The following OXSR1 variants were observed in gnomAD, a reference collection of about 807,000 sequenced individuals.
The protein encoded by OXSR1 is serine/threonine-protein kinase OSR1.
OXSR1 carries 24 observed loss-of-function variants against 79.8 expected under a neutral mutation model. The ratio of observed to expected loss-of-function variants is 0.30; its 90% CI spans 0.22 to 0.42. The LOEUF (loss-of-function observed/expected upper bound fraction) is 0.42. Among genes scored for constraint, OXSR1 ranks in the 10% least tolerant of loss-of-function variants. The pLI is 1.00. For synonymous variants in OXSR1, 226 were observed against 209.2 expected (o/e 1.08, Z -0.69); for missense variants, 430 against 618.4 (o/e 0.70, Z 3.23).
At chr3:38,244,898 T>G (rs1275574490) in intron 12 of OXSR1, among the ~76,000 whole-genome samples, 1 of 152,136 alleles carries the variant, frequency 6.6e-6, no homozygotes, top group Non-Finnish European at 1.5e-5. Flanking sequence ...GGCTGCACCA[T>G]TTTACGTGCT....
intron 8 of OXSR1, among the ~76,000 whole-genome samples, chr3:38,226,896 T>G (rs1382868854): frequency 1.3e-5 from 2 of 151,798 alleles, no homozygotes; most frequent in Non-Finnish European, 2.9e-5. Context: ...AAGTCTGTAG[T>G]TTAGTTAATA....
intron 13 of OXSR1, among the ~76,000 whole-genome samples, chr3:38,246,846 G>T (rs965471027): frequency 6.6e-6 from 1 of 152,090 alleles, no homozygotes; most frequent in African/African-American, 2.4e-5. Context: ...CATACAACAT[G>T]TGGCCCTATG....
Position 38,236,891 on chromosome 3 carries a change from G to A in OXSR1, c.1004G>A (p.Gly335Asp), listed in dbSNP as rs757750921. 3.1e-6 allele frequency: 5 copies of A among 1,612,620 alleles called. No homozygotes were observed. Among genetic ancestry groups the A allele is most frequent in the Non-Finnish European group, 4.2e-6 (5 of 1,179,010 alleles). Residue 335 changes from glycine to aspartate, a missense_variant, in exon 11 of 18, where the codon GGC becomes GAC. This residue lies in a region of OXSR1 where 276 missense variants were observed against 354.2 expected (regional missense o/e 0.78). Coordinates refer to ENST00000311806, the MANE Select transcript of OXSR1 (RefSeq NM_005109.3). ...CGTCTTCATAAGACAGAGGATGGAG[G>A]CTGGGAGTGGAGTGATGATGAATTT... The part of the protein sequence containing the change: ...SGRLHKTEDG[G>D]WEWSDDEFDE...
chr3:38,233,077 C>T (rs765397156), intron 10 of OXSR1, among the ~76,000 whole-genome samples: 8 of 152,126 alleles, frequency 5.3e-5, no homozygotes, highest in African/African-American at 1.2e-4. Context: ...GTCCCTCCCC[C>T]ACTCCATGCT....
chr3:38,177,596 G>GT (rs1701697837), intron 1 of OXSR1, among the ~76,000 whole-genome samples: 3 of 150,532 alleles, frequency 2.0e-5, no homozygotes, highest in South Asian at 4.2e-4. Flanking sequence ...TTTCTTTTTT[G>GT]TTTTTTTAGG....
intron 8 of OXSR1, among the ~76,000 whole-genome samples, chr3:38,225,918 G>A (rs1702679638): frequency 6.6e-6 from 1 of 152,086 alleles, no homozygotes; most frequent in South Asian, 2.1e-4. Flanking sequence ...AACTTCAGAT[G>A]TCAGTATCCT....
At chr3:38,174,317 C>G (rs114351615) in intron 1 of OXSR1, among the ~76,000 whole-genome samples, 4,618 of 152,172 alleles carry the variant, frequency 0.03, 126 homozygotes, top group Non-Finnish European at 0.042. Context: ...GGCGAGGTGC[C>G]TCACCTGTAA....
At chr3:38,231,563 A>G (rs974988612) in intron 10 of OXSR1, among the ~76,000 whole-genome samples, 1 of 152,084 alleles carries the variant, frequency 6.6e-6, no homozygotes. Context: ...CCTTTACCCT[A>G]CTTATCACCA....
chr3:38,247,843 A>T, intron 14 of OXSR1, 111 bp downstream of exon 14: 1 of 639,758 alleles, frequency 1.6e-6, no homozygotes. Context: ...CTCCAGCATC[A>T]AGCTCTGTTT....
At position 38,252,964 on chromosome 3, in the gene OXSR1, C is replaced by A; in HGVS notation, c.*73C>A. 8.3e-7 allele frequency: 1 copy of A among 1,210,644 alleles called. No individual in the cohort carries two copies. The allele number at this position is 1,210,644 out of a possible 1,614,324, so 75.0% of individuals were successfully genotyped here. ...TCTCTGTTGCTTCTATTGGCCTAAA[C>A]CCACTACTGCCAAAGAACCCAGCAA... On this transcript the variant is annotated 3_prime_UTR_variant, in exon 18 of 18. Coordinates refer to ENST00000311806, the MANE Select transcript of OXSR1 (RefSeq NM_005109.3).
intron 5 of OXSR1, among the ~76,000 whole-genome samples, chr3:38,216,746 C>T (rs986559338): frequency 7.1e-4 from 108 of 152,130 alleles, no homozygotes; most frequent in African/African-American, 2.6e-3. Context: ...CAGCTTGGTC[C>T]CAGACTGCTA....
At chr3:38,207,606 G>C (rs560268484) in intron 4 of OXSR1, among the ~76,000 whole-genome samples, 51 of 152,308 alleles carry the variant, frequency 3.3e-4, no homozygotes, top group African/African-American at 1.2e-3. Context: ...GGCCAGGGAT[G>C]CTGCTAAATT....
intron 6 of OXSR1, 28 bp downstream of exon 6, chr3:38,221,715 T>C (rs759093803): frequency 7.4e-7 from 1 of 1,350,846 alleles, no homozygotes; most frequent in South Asian, 1.2e-5. Context: ...CTGTTTTAAA[T>C]GGGTTAGGGC....
chr3:38,241,608 T>G (rs1336383864), intron 11 of OXSR1, among the ~76,000 whole-genome samples: 1 of 151,952 alleles, frequency 6.6e-6, no homozygotes, highest in Non-Finnish European at 1.5e-5. Context: ...GAAAAATATA[T>G]TTAGAAAGAG....
intron 1 of OXSR1, among the ~76,000 whole-genome samples, chr3:38,179,054 A>G (rs1361932524): frequency 2.2e-5 from 3 of 134,716 alleles, no homozygotes; most frequent in Non-Finnish European, 4.7e-5. Context: ...TTTTTGAGAC[A>G]GGGTCCTGCT....
chr3:38,246,233 G>A lies in OXSR1; in HGVS notation c.1257+12G>A, dbSNP rs374256048. ...CAAAAACAGCTCAGGTAAAGCCGGG[G>A]ATATGGTTTCATGGTCACTCCTTTG... On this transcript the variant is annotated intron_variant, in intron 13 of 17. Transcript: ENST00000311806. 3.7e-6 allele frequency: 6 copies of A among 1,613,262 alleles called. No individual in the cohort carries two copies. In the African/African-American group the frequency reaches 8.0e-5, roughly 22 times the overall value.
At chr3:38,243,516 A>T (rs780293913) in intron 12 of OXSR1, among the ~76,000 whole-genome samples, 1 of 152,114 alleles carries the variant, frequency 6.6e-6, no homozygotes, top group Non-Finnish European at 1.5e-5. Flanking sequence ...CCCTATTCTC[A>T]TTACCGGAGA....
intron 4 of OXSR1, among the ~76,000 whole-genome samples, chr3:38,209,687 T>C (rs1235575002): frequency 2.0e-5 from 3 of 149,270 alleles, no homozygotes; most frequent in Non-Finnish European, 3.0e-5. Context: ...CAGGCTGGAG[T>C]GCAGTGGCGC....
chr3:38,176,670 A>G (rs1014359939), intron 1 of OXSR1, among the ~76,000 whole-genome samples: 2 of 152,232 alleles, frequency 1.3e-5, no homozygotes, highest in African/African-American at 4.8e-5. Flanking sequence ...GCATCTTGTC[A>G]TTTGACCATT....
Sources: allele counts gnomAD v4.1 joint callset (sites outside exome capture counted in the v4.1 genomes callset), GRCh38; gene constraint gnomAD v4.1.1; regional missense constraint gnomAD v4.1.1; transcripts MANE v1.5; gene names NCBI Gene and HGNC (gene_info 2026-07-23, HGNC 2026-07-21).